The following GRIP1 variants were observed in gnomAD, a reference collection of about 807,000 sequenced individuals.
GRIP1 encodes the protein glutamate receptor interacting protein 1, also known as glutamate receptor-interacting protein 1.
Under a neutral mutation model 129.9 loss-of-function variants are expected in GRIP1, and 45 were observed. That is an observed-to-expected ratio of 0.35 (90% CI 0.27 to 0.44). GRIP1 has a LOEUF of 0.44. GRIP1 is among the 20% of genes least tolerant of loss of function. The pLI is 1.00. For synonymous variants in GRIP1, 530 were observed against 520.8 expected, an observed-to-expected ratio of 1.02 and a Z score of -0.24; for missense variants, 1,196 against 1,396.8, an observed-to-expected ratio of 0.86 and a Z score of 2.29.
At chr12:66,699,878 G>C (rs1465849875) in intron 1 of GRIP1, among the ~76,000 whole-genome samples, 9 of 152,142 alleles carry the variant, frequency 5.9e-5, no homozygotes, top group Admixed American at 5.9e-4. Flanking sequence ...GTAGAATGAA[G>C]GGCGGGAAGG....
chr12:66,355,722 TCCCCACTC>T (rs1161117526), intron 23 of GRIP1, among the ~76,000 whole-genome samples: 1 of 152,026 alleles, frequency 6.6e-6, no homozygotes, highest in East Asian at 1.9e-4. Context: ...TTGTGGCAGA[TCCCCACTC>T]CCCAGCTCCT....
chr12:66,444,790 G>T, intron 12 of GRIP1, 61 bp from the exon 13 acceptor site: 1 of 1,563,240 alleles, frequency 6.4e-7, no homozygotes, highest in Non-Finnish European at 8.8e-7. Context: ...AGCTGAGCTT[G>T]CCAAATCTAC....
intron 14 of GRIP1, 124 bp from the exon 15 acceptor site, chr12:66,420,913 C>G: frequency 2.9e-6 from 2 of 681,400 alleles, no homozygotes; most frequent in Non-Finnish European, 5.4e-6. Context: ...AGATGGTCAG[C>G]AAATGAATTA....
intron 14 of GRIP1, among the ~76,000 whole-genome samples, chr12:66,422,323 T>C (rs767995895): frequency 2.0e-5 from 3 of 152,168 alleles, no homozygotes; most frequent in Non-Finnish European, 4.4e-5. Flanking sequence ...TGCAAAACAT[T>C]CTCTTCACTA....
At chr12:66,699,767 G>A (rs907295331) in intron 1 of GRIP1, among the ~76,000 whole-genome samples, 1 of 152,176 alleles carries the variant, frequency 6.6e-6, no homozygotes, top group Non-Finnish European at 1.5e-5. Context: ...TAGTATGAGA[G>A]TTCAAAGGGC....
chr12:66,708,156 A>C (rs1452051643), intron 1 of GRIP1, among the ~76,000 whole-genome samples: 1 of 152,020 alleles, frequency 6.6e-6, no homozygotes, highest in Non-Finnish European at 1.5e-5. Context: ...CTCCAACATA[A>C]CTGGAATGTC....
intron 1 of GRIP1, among the ~76,000 whole-genome samples, chr12:66,830,397 T>C (rs771570724): frequency 1.3e-5 from 2 of 151,872 alleles, no homozygotes; most frequent in Admixed American, 6.6e-5. Context: ...GATGTGACCA[T>C]GGAAGGAGAG....
chr12:66,451,608 C>T (rs375442955), intron 11 of GRIP1, among the ~76,000 whole-genome samples: 2 of 151,720 alleles, frequency 1.3e-5, no homozygotes, highest in South Asian at 4.2e-4. Context: ...CAGGGTTTCA[C>T]CATGTTGCCC....
At chr12:66,531,667 C>G (rs767215506) in intron 4 of GRIP1, among the ~76,000 whole-genome samples, 6 of 152,030 alleles carry the variant, frequency 3.9e-5, no homozygotes, top group Non-Finnish European at 7.4e-5. Context: ...CAACTAGGAA[C>G]AGTACTCACA....
intron 1 of GRIP1, among the ~76,000 whole-genome samples, chr12:67,023,748 C>T (rs2135751657): frequency 6.6e-6 from 1 of 152,198 alleles, no homozygotes; most frequent in African/African-American, 2.4e-5. Context: ...TCCCTGTCAC[C>T]CTCACACTAA....
rs556678345 is a variant in GRIP1, at chr12:66,494,103, G to C, written c.724+21516C>G. On this transcript the variant is annotated intron_variant, in intron 7 of 24. Coordinates refer to ENST00000359742, the MANE Select transcript of GRIP1 (RefSeq NM_001366722.1). ...ATACCTGAATGATTAAACAAGAGTA[G>C]ATAATTAATTCATTGTCTCACTTTC... 4.6e-5 allele frequency among the ~76,000 whole-genome samples: 7 copies of C among 152,260 alleles called. No homozygotes were observed. In the South Asian group the frequency reaches 1.5e-3, roughly 32 times the overall value.
intron 14 of GRIP1, among the ~76,000 whole-genome samples, chr12:66,426,661 TAA>T (rs1328437191): frequency 2.0e-5 from 3 of 152,184 alleles, no homozygotes; most frequent in African/African-American, 7.2e-5. Flanking sequence ...CTGTTTATAT[TAA>T]AGAGTGTGGT....
intron 2 of GRIP1, chr12:66,568,354 G>A: frequency 5.8e-6 from 1 of 171,408 alleles, no homozygotes; most frequent in East Asian, 1.7e-4. Flanking sequence ...GTCTGCATAT[G>A]CTTCTAAAAG....
chr12:66,584,961 C>T (rs888004528), intron 2 of GRIP1, among the ~76,000 whole-genome samples: 4 of 152,036 alleles, frequency 2.6e-5, no homozygotes, highest in African/African-American at 9.7e-5. Flanking sequence ...CACCCTCCTG[C>T]CTCTATGCCC....
At chr12:66,457,054 A>G (rs947232375) in intron 9 of GRIP1, among the ~76,000 whole-genome samples, 7 of 152,184 alleles carry the variant, frequency 4.6e-5, no homozygotes, top group African/African-American at 1.7e-4. Flanking sequence ...ATGCCATAAA[A>G]TTTTAATAAA....
rs143162675 is a variant in GRIP1, at chr12:66,428,078, G to A, written c.1768+4470C>T. Among the ~76,000 whole-genome samples, 58 of 152,164 alleles carry A rather than the reference G, an allele frequency of 3.8e-4. No individual in the cohort carries two copies. In the East Asian group the frequency reaches 6.6e-3, roughly 17 times the overall value. ...TGCAACAAATGCTTCACTTTCTCTC[G>A]CTGAAAATCCTAGTGTCACTGTTTG... On this transcript the variant is annotated intron_variant, in intron 14 of 24. Transcript: ENST00000359742.
At chr12:66,772,600 A>G (rs2037853541) in intron 1 of GRIP1, among the ~76,000 whole-genome samples, 1 of 152,210 alleles carries the variant, frequency 6.6e-6, no homozygotes, top group Non-Finnish European at 1.5e-5. Flanking sequence ...TACTATTACT[A>G]AAAGACTTGA....
Position 66,486,517 on chromosome 12 carries a change from C to T in GRIP1, c.725-21095G>A, listed in dbSNP as rs139547951. Among the ~76,000 whole-genome samples the T allele has an allele frequency of 3.9e-3, 596 of 152,214 alleles. 1 individual carries two copies. Among genetic ancestry groups the T allele is most frequent in the Non-Finnish European group, 6.4e-3 (437 of 68,014 alleles). On this transcript the variant is annotated intron_variant, in intron 7 of 24. Coordinates refer to ENST00000359742, the MANE Select transcript of GRIP1 (RefSeq NM_001366722.1). ...TGGGGGCAGTTTCCCCCGTACTATT[C>T]TCATGGTAATGAATAAGTCTCATGA... is the stretch of plus-strand genomic sequence containing the variant.
chr12:66,444,986 A>T (rs2058580615), intron 12 of GRIP1, among the ~76,000 whole-genome samples: 1 of 152,198 alleles, frequency 6.6e-6, no homozygotes, highest in South Asian at 2.1e-4. Flanking sequence ...TTAGAATCTG[A>T]TCCAAACCAA....
Sources: allele counts gnomAD v4.1 joint callset (sites outside exome capture counted in the v4.1 genomes callset), GRCh38; gene constraint gnomAD v4.1.1; transcripts MANE v1.5; gene names NCBI Gene and HGNC (gene_info 2026-07-23, HGNC 2026-07-21).